Variants in GALNT13 observed in about 807,000 individuals in gnomAD.
GALNT13 encodes polypeptide N-acetylgalactosaminyltransferase 13, also known as UDP-GalNAc:polypeptide N-acetylgalactosaminyltransferase 13.
A neutral mutation model predicts 64.2 loss-of-function variants in GALNT13; 28 were observed. That is an observed-to-expected ratio of 0.44 (90% CI 0.32 to 0.60). GALNT13 has a LOEUF of 0.60. GALNT13 is among the 20% of genes least tolerant of loss of function. The pLI, the probability that GALNT13 is intolerant of heterozygous loss-of-function variation, is 0.05. For synonymous variants in GALNT13, 214 were observed against 224.6 expected (o/e 0.95, Z 0.42); for missense variants, 577 against 669.8 (o/e 0.86, Z 1.53).
At chr2:154,020,223 G>A (rs1697347969) in intron 3 of GALNT13, among the ~76,000 whole-genome samples, 1 of 152,148 alleles carries the variant, frequency 6.6e-6, no homozygotes, top group African/African-American at 2.4e-5. Context: ...CCAGTAATGG[G>A]ATGGCTGGGT....
chr2:153,649,584 T>C, the GALNT13 span, among the ~76,000 whole-genome samples: 5 of 151,568 alleles, frequency 3.3e-5, no homozygotes, highest in East Asian at 9.8e-4. Flanking sequence ...TCTTTCCTGC[T>C]TTCTCTTGTG....
the GALNT13 span, among the ~76,000 whole-genome samples, chr2:153,813,035 A>T: frequency 6.6e-6 from 1 of 152,156 alleles, no homozygotes; most frequent in East Asian, 1.9e-4. Flanking sequence ...CTTTTTATCT[A>T]TACGCTTCAT....
the GALNT13 span, among the ~76,000 whole-genome samples, chr2:153,518,858 A>G: frequency 6.6e-6 from 1 of 152,098 alleles, no homozygotes; most frequent in Non-Finnish European, 1.5e-5. Context: ...GCTCTACTGA[A>G]AAGGCTAAGA....
intron 9 of GALNT13, among the ~76,000 whole-genome samples, chr2:154,311,037 T>C (rs1440289220): frequency 1.5e-5 from 2 of 129,550 alleles, no homozygotes; most frequent in African/African-American, 6.4e-5. Flanking sequence ...ATTTATTAGA[T>C]CAATGGATAT....
Position 153,944,493 on chromosome 2 carries a change from A to G in GALNT13, c.-5A>G, listed in dbSNP as rs1172319947. On this transcript the variant is annotated 5_prime_UTR_variant, in exon 3 of 13. Coordinates refer to ENST00000392825, the MANE Select transcript of GALNT13 (RefSeq NM_052917.4). ...CTGTGTGTTAACTAGAAATCAAGGA[A>G]AGACATGAGGAGATTTGTCTACTGC... The G allele has an allele frequency of 1.2e-6, 2 of 1,611,298 alleles. No individual in the cohort carries two copies. Among genetic ancestry groups the G allele is most frequent in the African/African-American group, 1.3e-5 (1 of 74,966 alleles).
chr2:153,199,390 G>A, the GALNT13 span, among the ~76,000 whole-genome samples: 24,581 of 152,136 alleles, frequency 0.16, 2,108 homozygotes, highest in Non-Finnish European at 0.18. Context: ...GACTAGTGCT[G>A]TACCTCTGGT....
At chr2:154,113,283 G>A (rs1703091450) in intron 3 of GALNT13, among the ~76,000 whole-genome samples, 1 of 152,176 alleles carries the variant, frequency 6.6e-6, no homozygotes, top group African/African-American at 2.4e-5. Context: ...AAGCACCATG[G>A]GATCTGCTGG....
At chr2:154,377,430 TAGGA>T (rs961751516) in intron 9 of GALNT13, among the ~76,000 whole-genome samples, 3 of 151,974 alleles carry the variant, frequency 2.0e-5, no homozygotes, top group African/African-American at 7.2e-5. Flanking sequence ...GGCAGGCAGG[TAGGA>T]AGGGAGGGAG....
At chr2:153,255,363 C>A in the GALNT13 span, among the ~76,000 whole-genome samples, 1 of 137,932 alleles carries the variant, frequency 7.2e-6, no homozygotes, top group Non-Finnish European at 1.6e-5. Flanking sequence ...CTATGTGTGT[C>A]TCTGCACGTG....
chr2:154,366,098 C>A (rs1697347234), intron 9 of GALNT13, among the ~76,000 whole-genome samples: 1 of 151,994 alleles, frequency 6.6e-6, no homozygotes, highest in Admixed American at 6.6e-5. Context: ...ATTGTATGAA[C>A]ATATATCATT....
chr2:154,336,547 A>G (rs1024986617), intron 9 of GALNT13, among the ~76,000 whole-genome samples: 2 of 152,142 alleles, frequency 1.3e-5, no homozygotes, highest in East Asian at 3.9e-4. Flanking sequence ...CATTTTATTT[A>G]AAGTATGGTT....
chr2:154,043,783 C>T (rs973934622), intron 3 of GALNT13, among the ~76,000 whole-genome samples: 1 of 152,002 alleles, frequency 6.6e-6, no homozygotes, highest in African/African-American at 2.4e-5. Flanking sequence ...GTGACCTACA[C>T]AAATATAAAA....
chr2:153,415,808 T>C, the GALNT13 span, among the ~76,000 whole-genome samples: 1,913 of 152,338 alleles, frequency 0.013, 38 homozygotes, highest in African/African-American at 0.043. Context: ...ACTTTCTCTA[T>C]TTTTCTTATG....
the GALNT13 span, among the ~76,000 whole-genome samples, chr2:153,394,343 C>T: frequency 1.3e-5 from 2 of 152,098 alleles, no homozygotes. Context: ...TTCTTTTCCT[C>T]CTAGGTTTTA....
the GALNT13 span, among the ~76,000 whole-genome samples, chr2:153,847,521 GTTAA>G: frequency 6.6e-6 from 1 of 151,796 alleles, no homozygotes; most frequent in Non-Finnish European, 1.5e-5. Flanking sequence ...CTCATACAGA[GTTAA>G]TTAATCAAAT....
chr2:153,860,440 T>C, the GALNT13 span, among the ~76,000 whole-genome samples: 1 of 151,034 alleles, frequency 6.6e-6, no homozygotes, highest in East Asian at 1.9e-4. Flanking sequence ...ATCAGTTGAC[T>C]TCTATCCTCT....
the GALNT13 span, among the ~76,000 whole-genome samples, chr2:153,768,566 C>T: frequency 6.6e-6 from 1 of 151,990 alleles, no homozygotes; most frequent in Non-Finnish European, 1.5e-5. Flanking sequence ...TGTGTTTTTA[C>T]TATTATTTAA....
chr2:153,202,788 T>TA, the GALNT13 span, among the ~76,000 whole-genome samples: 1 of 152,242 alleles, frequency 6.6e-6, no homozygotes, highest in Non-Finnish European at 1.5e-5. Flanking sequence ...TGATTCCATT[T>TA]AAAAAACATA....
intron 4 of GALNT13, among the ~76,000 whole-genome samples, chr2:154,151,627 A>G (rs1684032014): frequency 6.6e-6 from 1 of 152,192 alleles, no homozygotes; most frequent in African/African-American, 2.4e-5. Flanking sequence ...TATTGGGTGC[A>G]TATATATTTA....
Sources: allele counts gnomAD v4.1 joint callset (sites outside exome capture counted in the v4.1 genomes callset), GRCh38; gene constraint gnomAD v4.1.1; transcripts MANE v1.5; gene names NCBI Gene and HGNC (gene_info 2026-07-23, HGNC 2026-07-21).